LDB2: variants seen among roughly 807,000 people sequenced by gnomAD.
The protein encoded by LDB2 is LIM domain binding 2.
LDB2 carries 12 observed loss-of-function variants against 44.3 expected under a neutral mutation model. The ratio of observed to expected loss-of-function variants is 0.27; its 90% CI spans 0.17 to 0.44. The LOEUF (loss-of-function observed/expected upper bound fraction) is 0.44, where lower values mean the gene tolerates loss of function less well. Ranked by LOEUF, LDB2 falls within the 20% of genes least tolerant of loss-of-function variation. LDB2 has a pLI of 1.00. For synonymous variants in LDB2, 164 were observed against 174.8 expected (o/e 0.94, Z 0.49); for missense variants, 344 against 473.5 (o/e 0.73, Z 2.54).
At chr4:16,680,666 T>G (rs1269457636) in intron 2 of LDB2, among the ~76,000 whole-genome samples, 1 of 152,198 alleles carries the variant, frequency 6.6e-6, no homozygotes, top group Non-Finnish European at 1.5e-5. Context: ...GTTTCAGTCC[T>G]GGTCTGTCCA....
chr4:16,609,145 G>A (rs1342159012), intron 2 of LDB2, among the ~76,000 whole-genome samples: 1 of 152,144 alleles, frequency 6.6e-6, no homozygotes, highest in Admixed American at 6.5e-5. Context: ...GGCCACACAG[G>A]GAAGGGGAAC....
intron 1 of LDB2, among the ~76,000 whole-genome samples, chr4:16,783,837 TCC>T (rs1288449477): frequency 6.6e-6 from 1 of 152,168 alleles, no homozygotes; most frequent in African/African-American, 2.4e-5. Context: ...GGTTTCCTTT[TCC>T]CCCCTTTTGC....
chr4:16,876,033 C>A (rs2110386233), intron 1 of LDB2, among the ~76,000 whole-genome samples: 1 of 152,276 alleles, frequency 6.6e-6, no homozygotes, highest in South Asian at 2.1e-4. Flanking sequence ...TGGGCTGGGG[C>A]CATGTCCCAT....
chr4:16,888,702 A>G (rs1722458682), intron 1 of LDB2: 2 of 984,244 alleles, frequency 2.0e-6, no homozygotes, highest in African/African-American at 3.5e-5. Flanking sequence ...AGAATCCAGA[A>G]TAAGTGTATC....
intron 5 of LDB2, among the ~76,000 whole-genome samples, chr4:16,538,224 GAAC>G (rs985539244): frequency 2.0e-5 from 3 of 152,178 alleles, no homozygotes; most frequent in Non-Finnish European, 2.9e-5. Flanking sequence ...GCCCAGAGCA[GAAC>G]AACAAGCCCT....
intron 5 of LDB2, among the ~76,000 whole-genome samples, chr4:16,547,594 C>A (rs1736213735): frequency 6.6e-6 from 1 of 152,172 alleles, no homozygotes; most frequent in African/African-American, 2.4e-5. Context: ...CTGCCTGCTC[C>A]TTATTGATTC....
At chr4:16,871,924 C>T (rs1716773282) in intron 1 of LDB2, among the ~76,000 whole-genome samples, 1 of 152,074 alleles carries the variant, frequency 6.6e-6, no homozygotes, top group African/African-American at 2.4e-5. Flanking sequence ...GCCCAGCCCA[C>T]ATCAGAACTA....
chr4:16,830,531 TGGA>T (rs1399096952), intron 1 of LDB2, among the ~76,000 whole-genome samples: 9 of 152,308 alleles, frequency 5.9e-5, no homozygotes, highest in Non-Finnish European at 1.2e-4. Context: ...CACATATGTG[TGGA>T]GGAGAGATCT....
intron 2 of LDB2, among the ~76,000 whole-genome samples, chr4:16,725,928 TATAA>T (rs1476275005): frequency 2.7e-5 from 4 of 148,466 alleles, no homozygotes; most frequent in Non-Finnish European, 4.5e-5. Context: ...ATACATAATG[TATAA>T]ATATACATTA....
intron 2 of LDB2, among the ~76,000 whole-genome samples, chr4:16,685,815 G>A (rs535544417): frequency 3.6e-4 from 55 of 152,196 alleles, no homozygotes; most frequent in African/African-American, 1.2e-3. Flanking sequence ...TTTGGAGGCC[G>A]AGTCAGGTGA....
At chr4:16,842,015 T>C (rs930947563) in intron 1 of LDB2, among the ~76,000 whole-genome samples, 2 of 152,200 alleles carry the variant, frequency 1.3e-5, no homozygotes, top group Admixed American at 1.3e-4. Flanking sequence ...TATAAAGGTG[T>C]ATTGCTGGGT....
intron 1 of LDB2, among the ~76,000 whole-genome samples, chr4:16,800,971 G>A (rs1393533844): frequency 6.6e-6 from 1 of 152,154 alleles, no homozygotes; most frequent in African/African-American, 2.4e-5. Context: ...CACCGCGCCC[G>A]GCCGGAAGAC....
intron 2 of LDB2, among the ~76,000 whole-genome samples, chr4:16,668,754 G>A (rs1216155799): frequency 3.9e-5 from 6 of 152,120 alleles, no homozygotes; most frequent in African/African-American, 9.7e-5. Context: ...AACTGAAAAC[G>A]CAAGAGATTT....
chr4:16,758,346 T>A lies in LDB2; in HGVS notation c.235+812A>T, dbSNP rs1579390603. Among the ~76,000 whole-genome samples the A allele has an allele frequency of 2.6e-5, 4 of 152,346 alleles. No individual in the cohort carries two copies. In the South Asian group the frequency reaches 8.3e-4, roughly 32 times the overall value. On this transcript the variant is annotated intron_variant, in intron 2 of 7. Transcript: ENST00000304523. ...GTTCATCATTCCATGGCTGGTTCCCTCATCATTTCAGTGTTTGTGACAGTG... is the reference window on the plus strand; with the variant it reads ...GTTCATCATTCCATGGCTGGTTCCCACATCATTTCAGTGTTTGTGACAGTG...
intron 1 of LDB2, among the ~76,000 whole-genome samples, chr4:16,831,174 C>CTT (rs370309653): frequency 0.05 from 6,389 of 126,616 alleles, 343 homozygotes; most frequent in African/African-American, 0.1. Flanking sequence ...CCTCTCTGAG[C>CTT]TTTTTTTTTT....
chr4:16,881,115 A>T (rs1048704014), intron 1 of LDB2, among the ~76,000 whole-genome samples: 1 of 152,152 alleles, frequency 6.6e-6, no homozygotes, highest in Admixed American at 6.5e-5. Context: ...TGCGTCTCAC[A>T]GTGAGACTCA....
At chr4:16,635,828 C>G (rs1265038950) in intron 2 of LDB2, among the ~76,000 whole-genome samples, 1 of 152,124 alleles carries the variant, frequency 6.6e-6, no homozygotes, top group African/African-American at 2.4e-5. Flanking sequence ...TAATCAAGCC[C>G]TTTGGAAAGA....
Position 16,582,712 on chromosome 4 carries a change from C to T in LDB2, c.615+3210G>A, listed in dbSNP as rs1039726468. ...GGGACACTCAGTCAGCAAGCCACAG[C>T]CCCCTCTAGAGGTCACAGAGGCAGC... On this transcript the variant is annotated intron_variant, in intron 5 of 7. Coordinates refer to ENST00000304523, the MANE Select transcript of LDB2 (RefSeq NM_001290.5). This position sits in a 1 kb window ranked among gnomAD's most constrained non-coding sequence, Gnocchi z 4.8. Among the ~76,000 whole-genome samples the T allele has an allele frequency of 6.6e-6, 1 of 152,202 alleles. No individual in the cohort carries two copies. Among genetic ancestry groups the T allele is most frequent in the Non-Finnish European group, 1.5e-5 (1 of 68,046 alleles).
rs1441094523 is a variant in LDB2 at position 16,582,264 on chromosome 4, G to T, written c.615+3658C>A. Reference sequence around the variant, plus strand: ...AGTGTGTCAGAAATGCTTGTGAAATGAACAATGAATAAATGGGCAAACAGG... The same window carrying T: ...AGTGTGTCAGAAATGCTTGTGAAATTAACAATGAATAAATGGGCAAACAGG... On this transcript the variant is annotated intron_variant, in intron 5 of 7. Transcript: ENST00000304523. The surrounding 1 kb of genome is among the most constrained non-coding windows in gnomAD (Gnocchi z 4.8). Among the ~76,000 whole-genome samples the T allele has an allele frequency of 6.6e-6, 1 of 152,192 alleles. No homozygotes were observed. The highest frequency in any genetic ancestry group is 1.5e-5 in the Non-Finnish European group (1 of 68,014).
Sources: allele counts gnomAD v4.1 joint callset (sites outside exome capture counted in the v4.1 genomes callset), GRCh38; gene constraint gnomAD v4.1.1; non-coding constraint Gnocchi (gnomAD v3.1); transcripts MANE v1.5; gene names NCBI Gene and HGNC (gene_info 2026-07-23, HGNC 2026-07-21).